The following KLHL1 variants were observed in gnomAD, a reference collection of about 807,000 sequenced individuals.
The protein encoded by KLHL1 is kelch like family member 1, also known as kelch-like protein 1.
Under a neutral mutation model 77.7 loss-of-function variants are expected in KLHL1, and 47 were observed. The observed-to-expected ratio is 0.60, with a 90% CI of 0.48 to 0.77. The LOEUF (loss-of-function observed/expected upper bound fraction) is 0.77. KLHL1 is among the 30% of genes least tolerant of loss of function. The pLI is 0.00. For synonymous variants in KLHL1, 360 were observed against 325.2 expected (o/e 1.11, Z -1.15); for missense variants, 925 against 910.8 (o/e 1.02, Z -0.20).
intron 1 of KLHL1, among the ~76,000 whole-genome samples, chr13:70,101,459 G>C (rs771242499): frequency 6.6e-6 from 1 of 151,628 alleles, no homozygotes; most frequent in East Asian, 1.9e-4. Flanking sequence ...ACGAAGTCTC[G>C]CTCTTGTCCC....
chr13:69,781,968 T>TA (rs1876237717), intron 7 of KLHL1, among the ~76,000 whole-genome samples: 1 of 152,252 alleles, frequency 6.6e-6, no homozygotes, highest in Non-Finnish European at 1.5e-5. Flanking sequence ...CTAAAACTTT[T>TA]ATTCAATACT....
intron 1 of KLHL1, among the ~76,000 whole-genome samples, chr13:69,998,228 T>C (rs1264584064): frequency 6.6e-6 from 1 of 152,064 alleles, no homozygotes; most frequent in African/African-American, 2.4e-5. Context: ...TTGGACATGG[T>C]GTTCTGCAAC....
intron 7 of KLHL1, among the ~76,000 whole-genome samples, chr13:69,751,951 A>G (rs1014683861): frequency 6.6e-6 from 1 of 152,052 alleles, no homozygotes; most frequent in Non-Finnish European, 1.5e-5. Context: ...TCCCTCATCT[A>G]TCCATCAACA....
intron 8 of KLHL1, among the ~76,000 whole-genome samples, chr13:69,736,400 G>T (rs1185886094): frequency 3.9e-5 from 6 of 152,060 alleles, no homozygotes; most frequent in African/African-American, 1.2e-4. Flanking sequence ...ACAGATTTTG[G>T]CATGGATGTG....
intron 6 of KLHL1, among the ~76,000 whole-genome samples, chr13:69,803,746 G>A (rs1877493113): frequency 6.6e-6 from 1 of 152,148 alleles, no homozygotes; most frequent in Non-Finnish European, 1.5e-5. Flanking sequence ...TACTGTTCCT[G>A]GCTTGAAGAT....
At chr13:69,992,005 T>A (rs1885040599) in intron 1 of KLHL1, among the ~76,000 whole-genome samples, 1 of 151,996 alleles carries the variant, frequency 6.6e-6, no homozygotes, top group Non-Finnish European at 1.5e-5. Flanking sequence ...TTGCTAGGAA[T>A]GCAAAGTACT....
chr13:69,984,772 T>C (rs564480220), intron 1 of KLHL1, among the ~76,000 whole-genome samples: 18 of 152,150 alleles, frequency 1.2e-4, no homozygotes, highest in African/African-American at 4.1e-4. Flanking sequence ...GGACCTCGAG[T>C]ATTACCCCAA....
At chr13:69,893,360 G>T (rs534698756) in intron 4 of KLHL1, among the ~76,000 whole-genome samples, 3 of 150,702 alleles carry the variant, frequency 2.0e-5, no homozygotes, top group Admixed American at 6.6e-5. Context: ...TCAGCCTCCC[G>T]AGTAGCTGGG....
intron 1 of KLHL1, among the ~76,000 whole-genome samples, chr13:70,096,072 T>C (rs181011121): frequency 1.3e-3 from 186 of 144,152 alleles, no homozygotes; most frequent in African/African-American, 4.8e-3. Flanking sequence ...ATATGTACCA[T>C]ATTTTTTATC....
chr13:69,977,493 A>T (rs1360068799), intron 1 of KLHL1, among the ~76,000 whole-genome samples: 1 of 152,152 alleles, frequency 6.6e-6, no homozygotes, highest in Non-Finnish European at 1.5e-5. Context: ...ATAGAAAACA[A>T]AAAACGGTAA....
At chr13:69,753,871 T>A (rs1242430059) in intron 7 of KLHL1, among the ~76,000 whole-genome samples, 1 of 151,968 alleles carries the variant, frequency 6.6e-6, no homozygotes, top group African/African-American at 2.4e-5. Flanking sequence ...CAGTCTTGCT[T>A]TGTCACCCAG....
chr13:69,978,159 C>A (rs1273590751), intron 1 of KLHL1, among the ~76,000 whole-genome samples: 2 of 152,032 alleles, frequency 1.3e-5, no homozygotes, highest in African/African-American at 4.8e-5. Flanking sequence ...ATTCTTCCAC[C>A]TGTTAACGCA....
intron 6 of KLHL1, among the ~76,000 whole-genome samples, chr13:69,836,864 G>A (rs1385608583): frequency 6.6e-6 from 1 of 150,586 alleles, no homozygotes; most frequent in African/African-American, 2.5e-5. Context: ...CAAAAAAAAT[G>A]CAATAATTAG....
chr13:69,915,855 G>A (rs1882412171), intron 4 of KLHL1, among the ~76,000 whole-genome samples: 1 of 151,904 alleles, frequency 6.6e-6, no homozygotes, highest in Admixed American at 6.6e-5. Context: ...CTGACAAAGG[G>A]CTAATATCCA....
intron 2 of KLHL1, among the ~76,000 whole-genome samples, chr13:69,961,953 T>C (rs1884078228): frequency 6.6e-6 from 1 of 152,052 alleles, no homozygotes; most frequent in South Asian, 2.1e-4. Context: ...TATTATTCTT[T>C]CATAAGTAGA....
At chr13:70,071,891 G>A (rs1054994578) in intron 1 of KLHL1, among the ~76,000 whole-genome samples, 3 of 151,882 alleles carry the variant, frequency 2.0e-5, no homozygotes, top group African/African-American at 7.3e-5. Flanking sequence ...CTATTCTTCA[G>A]CCCCCCAAAA....
intron 8 of KLHL1, among the ~76,000 whole-genome samples, chr13:69,739,334 A>G (rs116867542): frequency 2.0e-5 from 3 of 152,328 alleles, no homozygotes; most frequent in Non-Finnish European, 4.4e-5. Context: ...CTATGAAGCT[A>G]CTACATAGAC....
intron 1 of KLHL1, among the ~76,000 whole-genome samples, chr13:69,995,187 C>G (rs1347419870): frequency 6.6e-6 from 1 of 151,986 alleles, no homozygotes; most frequent in African/African-American, 2.4e-5. Context: ...ACCATATACC[C>G]CACACTCCCA....
At chr13:70,073,637 T>A (rs940112656) in intron 1 of KLHL1, among the ~76,000 whole-genome samples, 1 of 150,488 alleles carries the variant, frequency 6.6e-6, no homozygotes, top group African/African-American at 2.4e-5. Flanking sequence ...AAAACCCGGG[T>A]GTGGTGGTGT....
Sources: gnomAD v4.1 joint callset for allele counts (sites outside exome capture counted in the v4.1 genomes callset) on GRCh38, gnomAD v4.1.1 for gene constraint, MANE v1.5 for transcripts, NCBI Gene and HGNC (gene_info 2026-07-23, HGNC 2026-07-21) for gene names.